The following ATP8B4 variants were observed in gnomAD, a reference collection of about 807,000 sequenced individuals.
ATP8B4 encodes ATPase phospholipid transporting 8B4 (putative).
ATP8B4 carries 133 observed loss-of-function variants against 145.6 expected under a neutral mutation model. That is an observed-to-expected ratio of 0.91 (90% CI 0.79 to 1.05). ATP8B4 has a LOEUF of 1.05. ATP8B4 is among the 50% of genes least tolerant of loss of function. The pLI is 0.00. For missense variants in ATP8B4, 1,458 were observed against 1,425.2 expected (o/e 1.02, Z -0.37); for synonymous variants, 507 against 492.9 (o/e 1.03, Z -0.38).
At chr15:49,996,857 C>A in intron 8 of ATP8B4, 98 bp from the exon 9 acceptor site, 2 of 788,868 alleles carry the variant, frequency 2.5e-6, no homozygotes, top group Middle Eastern at 2.4e-4. Context: ...AAAGCCAAAC[C>A]CAAGAGATCC....
chr15:49,993,348 G>A (rs1318778529), intron 9 of ATP8B4, among the ~76,000 whole-genome samples: 2 of 151,212 alleles, frequency 1.3e-5, no homozygotes, highest in East Asian at 3.9e-4. Flanking sequence ...GTGAAATGGA[G>A]TAGTTAGAAA....
intron 1 of ATP8B4, among the ~76,000 whole-genome samples, chr15:50,168,829 G>T (rs2044629948): frequency 6.6e-6 from 1 of 152,174 alleles, no homozygotes; most frequent in Non-Finnish European, 1.5e-5. Flanking sequence ...ACAGACTTGG[G>T]GCCGTTGGTG....
Position 50,047,467 on chromosome 15 carries a change from G to C in ATP8B4, c.88-3C>G. The C allele has an allele frequency of 6.6e-7, 1 of 1,513,920 alleles. No individual in the cohort carries two copies. The highest frequency in any genetic ancestry group is 1.7e-4 in the Middle Eastern group (1 of 5,878). The allele number at this position is 1,513,920 out of a possible 1,614,324, so 93.8% of individuals were successfully genotyped here. A position where few individuals can be genotyped will look rare whatever the true frequency, so the allele number is the denominator to read the frequency against. On this transcript the variant is annotated splice_polypyrimidine_tract_variant and splice_region_variant and intron_variant, in intron 3 of 27. Transcript: ENST00000284509. ...TTCGATGTGTGGATACGATTATCCTGGAAAAGAAATAGCATCATGTTAGTT... is the reference window on the plus strand; with the variant it reads ...TTCGATGTGTGGATACGATTATCCTCGAAAAGAAATAGCATCATGTTAGTT...
intron 12 of ATP8B4, among the ~76,000 whole-genome samples, chr15:49,976,052 A>C (rs1362378254): frequency 1.3e-5 from 2 of 152,172 alleles, no homozygotes; most frequent in Non-Finnish European, 1.5e-5. Flanking sequence ...CTAAAAGTAC[A>C]TGACATACCT....
At chr15:50,102,355 A>G (rs186991764) in intron 2 of ATP8B4, among the ~76,000 whole-genome samples, 1 of 152,154 alleles carries the variant, frequency 6.6e-6, no homozygotes, top group Non-Finnish European at 1.5e-5. Flanking sequence ...AGTGAGATTA[A>G]CCAAGAAAAG....
At chr15:49,988,030 A>G (rs1232117146) in intron 9 of ATP8B4, among the ~76,000 whole-genome samples, 1 of 152,192 alleles carries the variant, frequency 6.6e-6, no homozygotes, top group Non-Finnish European at 1.5e-5. Context: ...GTCCTACTGT[A>G]TTCCACCAGA....
intron 11 of ATP8B4, 42 bp from the exon 12 acceptor site, chr15:49,979,855 A>C: frequency 7.2e-7 from 1 of 1,379,578 alleles, no homozygotes; most frequent in South Asian, 1.5e-5. Flanking sequence ...ACTTGAACTC[A>C]AAATTAGTCA....
chr15:50,084,005 C>T (rs1299808729), intron 2 of ATP8B4, among the ~76,000 whole-genome samples: 1 of 152,130 alleles, frequency 6.6e-6, no homozygotes, highest in Non-Finnish European at 1.5e-5. Flanking sequence ...AGAAAAGGAA[C>T]ATCACATCCA....
chr15:49,941,091 G>T (rs536383665), intron 14 of ATP8B4, among the ~76,000 whole-genome samples: 1 of 152,218 alleles, frequency 6.6e-6, no homozygotes, highest in Non-Finnish European at 1.5e-5. Flanking sequence ...GGGATAGGGA[G>T]TAGACATTTA....
At chr15:50,133,569 G>A (rs1233458017) in intron 1 of ATP8B4, among the ~76,000 whole-genome samples, 1 of 151,692 alleles carries the variant, frequency 6.6e-6, no homozygotes, top group African/African-American at 2.4e-5. Context: ...TTCCAGCCTG[G>A]GTGACAGAGT....
intron 6 of ATP8B4, among the ~76,000 whole-genome samples, chr15:50,020,178 T>C (rs1599850256): frequency 6.6e-6 from 1 of 151,582 alleles, no homozygotes; most frequent in South Asian, 2.1e-4. Context: ...TGGTCTCAAA[T>C]TTCTGCTCTC....
At chr15:49,924,448 T>C (rs550674129) in intron 16 of ATP8B4, among the ~76,000 whole-genome samples, 1 of 152,272 alleles carries the variant, frequency 6.6e-6, no homozygotes, top group East Asian at 1.9e-4. Flanking sequence ...CAGTCAAAGA[T>C]CATTACATGC....
intron 14 of ATP8B4, among the ~76,000 whole-genome samples, chr15:49,944,516 A>G (rs1485374527): frequency 1.3e-5 from 2 of 152,202 alleles, no homozygotes; most frequent in African/African-American, 4.8e-5. Context: ...AGGATGATGT[A>G]GCAATTATAA....
At chr15:49,994,692 G>A (rs530212564) in intron 9 of ATP8B4, among the ~76,000 whole-genome samples, 13 of 152,196 alleles carry the variant, frequency 8.5e-5, no homozygotes, top group Non-Finnish European at 1.9e-4. Context: ...AGAGGGGGAT[G>A]CTTAACCCCA....
chr15:49,968,185 A>G (rs888871235), intron 13 of ATP8B4, among the ~76,000 whole-genome samples: 2 of 152,276 alleles, frequency 1.3e-5, no homozygotes, highest in African/African-American at 4.8e-5. Context: ...CAAATTGTAA[A>G]GACCATTGAC....
At chr15:49,977,340 C>T (rs1015012900) in intron 12 of ATP8B4, among the ~76,000 whole-genome samples, 1 of 152,002 alleles carries the variant, frequency 6.6e-6, no homozygotes, top group Admixed American at 6.6e-5. Flanking sequence ...ATCAGAATCA[C>T]TGTACTTATT....
chr15:49,998,310 G>A (rs1350988046), intron 8 of ATP8B4, among the ~76,000 whole-genome samples: 4 of 151,696 alleles, frequency 2.6e-5, no homozygotes, highest in East Asian at 1.9e-4. Flanking sequence ...CTGAGGAATC[G>A]CCACACTGAC....
At chr15:49,958,369 G>A (rs1231835242) in intron 14 of ATP8B4, among the ~76,000 whole-genome samples, 2 of 151,422 alleles carry the variant, frequency 1.3e-5, no homozygotes, top group African/African-American at 4.8e-5. Context: ...ATGAAGTAGG[G>A]AAAAGCAAAA....
At chr15:50,094,330 T>C (rs928960535) in intron 2 of ATP8B4, among the ~76,000 whole-genome samples, 3 of 152,102 alleles carry the variant, frequency 2.0e-5, no homozygotes, top group Non-Finnish European at 2.9e-5. Context: ...AACTAAAACA[T>C]TGGCTCTTCC....
Sources: allele counts gnomAD v4.1 joint callset (sites outside exome capture counted in the v4.1 genomes callset), GRCh38; gene constraint gnomAD v4.1.1; transcripts MANE v1.5; gene names NCBI Gene and HGNC (gene_info 2026-07-23, HGNC 2026-07-21).